The following GAST variants were observed in gnomAD, a reference collection of about 807,000 sequenced individuals.
GAST encodes preprogastrin.
In GAST, 9 loss-of-function variants were observed where a neutral mutation model predicts 12.5. The ratio of observed to expected loss-of-function variants is 0.72; its 90% CI spans 0.43 to 1.25. GAST has a LOEUF of 1.25. GAST is among the 50% of genes most tolerant of loss of function. GAST has a pLI of 0.00. For synonymous variants in GAST, 52 were observed against 51.1 expected (o/e 1.02, Z -0.08); for missense variants, 121 against 127.7 (o/e 0.95, Z 0.25).
intron 1 of GAST, among the ~76,000 whole-genome samples, chr17:41,714,331 C>G (rs1316812804): frequency 1.3e-5 from 2 of 152,100 alleles, no homozygotes; most frequent in East Asian, 3.9e-4. Flanking sequence ...TGCCACCATG[C>G]CTGGCTAATT....
chr17:41,713,061 G>A (rs982519382), intron 1 of GAST, among the ~76,000 whole-genome samples: 1 of 151,660 alleles, frequency 6.6e-6, no homozygotes, highest in Non-Finnish European at 1.5e-5. Flanking sequence ...GATTACAGGC[G>A]CCTGCCACAA....
Position 41,715,761 on chromosome 17 carries a change from C to G in GAST, c.212-17C>G. Reference sequence around the variant, plus strand: ...GTAGGCATCCTTCCCCCATTCTCGCCTCTCTCACCTCCTCAGACCCGTCCA... The same window carrying G: ...GTAGGCATCCTTCCCCCATTCTCGCGTCTCTCACCTCCTCAGACCCGTCCA... On this transcript the variant is annotated splice_polypyrimidine_tract_variant and intron_variant, in intron 2 of 2. Transcript: ENST00000329402. 1 of 1,599,418 alleles carries G rather than the reference C, an allele frequency of 6.3e-7. No individual in the cohort carries two copies. The highest frequency in any genetic ancestry group is 8.5e-7 in the Non-Finnish European group (1 of 1,174,382).
intron 1 of GAST, among the ~76,000 whole-genome samples, chr17:41,713,192 C>T (rs879899902): frequency 3.9e-5 from 6 of 152,114 alleles, no homozygotes; most frequent in Admixed American, 1.3e-4. Context: ...GCTGGGATTA[C>T]AGGCGTGAGC....
rs782422797 is a variant in GAST at position 41,715,559 on chromosome 17, C to G, written c.123C>G (p.Asp41Glu). The G allele has an allele frequency of 6.2e-7, 1 of 1,613,542 alleles. No homozygotes were observed. Among genetic ancestry groups the G allele is most frequent in the Non-Finnish European group, 8.5e-7 (1 of 1,180,034 alleles). The change falls in exon 2 of 3, where the codon GAC becomes GAG. Residue 41 changes from aspartate (D) to glutamate (E), a missense_variant. Asp to Glu is a conservative substitution (Grantham distance 45, BLOSUM62 2). Transcript: ENST00000329402. ...DAPLGTGANR[D>E]LELPWLEQQG... is the part of the protein sequence containing the mutation. ...CCTTAGGTACAGGGGCCAACAGGGA[C>G]CTGGAGCTACCCTGGCTGGAGCAGC...
At chr17:41,715,022 G>A (rs189092635) in intron 1 of GAST, among the ~76,000 whole-genome samples, 73 of 152,212 alleles carry the variant, frequency 4.8e-4, no homozygotes, top group African/African-American at 1.6e-3. Context: ...AGACTCACCC[G>A]GGTGCGGTGG....
At position 41,715,966 on chromosome 17, in the gene GAST, T is replaced by A; in HGVS notation, c.*94T>A. 1.1e-6 allele frequency: 1 copy of A among 918,642 alleles called. No homozygotes were observed. 56.9% of individuals were successfully genotyped at this position (918,642 alleles called of 1,614,324 possible). A position where few individuals can be genotyped will look rare whatever the true frequency, so the allele number is the denominator to read the frequency against. ...TGATCAAAAATAAACTAGTTTCCAG[T>A]GGATCAATGGACTGTGTCAGTGTTG... On this transcript the variant is annotated 3_prime_UTR_variant, in exon 3 of 3. Coordinates refer to ENST00000329402, the MANE Select transcript of GAST (RefSeq NM_000805.5).
chr17:41,714,251 C>A (rs1910918683), intron 1 of GAST, among the ~76,000 whole-genome samples: 1 of 152,176 alleles, frequency 6.6e-6, no homozygotes, highest in Admixed American at 6.5e-5. Flanking sequence ...CGGCTCACTG[C>A]AACCTCCACC....
In GAST at chr17:41,715,915, C is replaced by CA; in HGVS notation, c.*44dup. The CA allele has an allele frequency of 7.0e-7, 1 of 1,431,020 alleles. No homozygotes were observed. The allele number at this position is 1,431,020 out of a possible 1,614,324, so 88.6% of individuals were successfully genotyped here. A position where few individuals can be genotyped will look rare whatever the true frequency, so the allele number is the denominator to read the frequency against. On this transcript the variant is annotated 3_prime_UTR_variant, in exon 3 of 3. Coordinates refer to ENST00000329402, the MANE Select transcript of GAST (RefSeq NM_000805.5). ...TTCAGAGCCTAGCCACCTCCCACCC[C>CA]ACTCCAGCCCTGTCCCCTGAAAAAC...
chr17:41,715,473 C>T lies in GAST; in HGVS notation c.37C>T (p.Leu13=), dbSNP rs782167531. 1 of 1,613,970 alleles carries T rather than the reference C, an allele frequency of 6.2e-7. No homozygotes were observed. ...RLCVYVLIFA[L]ALAAFSEASW... is the part of the protein sequence containing the mutation. ...GTGTGTGTATGTGCTGATCTTTGCA[C>T]TGGCTCTGGCCGCCTTCTCTGAAGC... The change falls in exon 2 of 3, where the codon CTG becomes TTG. Residue 13 remains leucine, a synonymous_variant. Transcript: ENST00000329402.
chr17:41,715,910 C>T lies in GAST; in HGVS notation c.*38C>T. On this transcript the variant is annotated 3_prime_UTR_variant, in exon 3 of 3. Transcript: ENST00000329402. ...CAAGCTTCAGAGCCTAGCCACCTCC[C>T]ACCCCACTCCAGCCCTGTCCCCTGA... The T allele has an allele frequency of 6.8e-7, 1 of 1,468,994 alleles. No individual in the cohort carries two copies. The allele number at this position is 1,468,994 out of a possible 1,614,324, so 91.0% of individuals were successfully genotyped here. A position where few individuals can be genotyped will look rare whatever the true frequency, so the allele number is the denominator to read the frequency against.
Position 41,715,520 on chromosome 17 carries a change from G to A in GAST, c.84G>A (p.Gln28=), listed in dbSNP as rs782672889. The stretch of plus-strand genomic sequence containing the variant: ...AAGCTTCTTGGAAGCCCCGCTCCCA[G>A]CAGCCAGATGCACCCTTAGGTACAG... ...FSEASWKPRS[Q]QPDAPLGTGA... is the part of the protein sequence containing the mutation. Residue 28 remains glutamine (Q), a synonymous_variant, in exon 2 of 3, where the codon CAG becomes CAA. Transcript: ENST00000329402. The A allele has an allele frequency of 3.1e-6, 5 of 1,613,614 alleles. No homozygotes were observed. The South Asian group carries it at 5.5e-5, about 18-fold the overall frequency.
chr17:41,715,645 C>T lies in GAST; in HGVS notation c.209C>T (p.Ala70Val), dbSNP rs782594228. The change falls in exon 2 of 3, where the codon GCA becomes GTA. Residue 70 changes from alanine to valine, a missense_variant and splice_region_variant. Physicochemically the swap from Ala to Val is moderately conservative, Grantham distance 64. Coordinates refer to ENST00000329402, the MANE Select transcript of GAST (RefSeq NM_000805.5). ...LGPQGPPHLV[A>V]DPSKKQGPWL... is the part of the protein sequence containing the mutation. ...CCCCAGGGTCCCCCACACCTCGTGG[C>T]AGGTAGGAGCTGCTGACTGCCCTGC... 1.5e-5 allele frequency: 25 copies of T among 1,613,188 alleles called. 1 individual carries two copies. In the South Asian group the frequency reaches 2.7e-4, roughly 18 times the overall value.
At chr17:41,714,760 G>A (rs1217056221) in intron 1 of GAST, among the ~76,000 whole-genome samples, 2 of 151,698 alleles carry the variant, frequency 1.3e-5, no homozygotes, top group East Asian at 4.0e-4. Flanking sequence ...GGGCGACAGA[G>A]TGAGACCCTG....
chr17:41,714,670 G>A (rs1910929163), intron 1 of GAST, among the ~76,000 whole-genome samples: 1 of 152,256 alleles, frequency 6.6e-6, no homozygotes, highest in Non-Finnish European at 1.5e-5. Flanking sequence ...AGCTCTTCTG[G>A]AGGCTGAGGT....
intron 2 of GAST, 46 bp from the exon 3 acceptor site, chr17:41,715,732 G>A: frequency 1.3e-6 from 2 of 1,596,274 alleles, no homozygotes; most frequent in Non-Finnish European, 8.5e-7. Context: ...TCAGTTCCTG[G>A]AAGGTAGGCA....
chr17:41,714,298 A>T (rs1167426867), intron 1 of GAST, among the ~76,000 whole-genome samples: 3 of 152,010 alleles, frequency 2.0e-5, no homozygotes, highest in Non-Finnish European at 4.4e-5. Context: ...TCGGCCTCCC[A>T]AGTAGCTGGG....
chr17:41,714,183 G>GT (rs1340229836), intron 1 of GAST, among the ~76,000 whole-genome samples: 7 of 151,896 alleles, frequency 4.6e-5, no homozygotes, highest in African/African-American at 1.7e-4. Context: ...TTTTGTTTTT[G>GT]TTTTTTTGAG....
At chr17:41,714,598 CCT>C (rs1555585584) in intron 1 of GAST, among the ~76,000 whole-genome samples, 1 of 151,460 alleles carries the variant, frequency 6.6e-6, no homozygotes, top group East Asian at 2.0e-4. Context: ...ATGGTGAAAC[CCT>C]GTTTCTACAA....
At position 41,715,622 on chromosome 17, in the gene GAST, C is replaced by A. The variant is rs782468119; in HGVS notation, c.186C>A (p.Pro62=). 1.8e-5 allele frequency: 29 copies of A among 1,613,560 alleles called. No homozygotes were observed. In the South Asian group the frequency reaches 3.2e-4, roughly 18 times the overall value. The change falls in exon 2 of 3, where the codon CCC becomes CCA. Residue 62 remains proline, a synonymous_variant. Coordinates refer to ENST00000329402, the MANE Select transcript of GAST (RefSeq NM_000805.5). ...CTCATCATCGAAGGCAGCTGGGACCCCAGGGTCCCCCACACCTCGTGGCAG... is the reference window on the plus strand; with the variant it reads ...CTCATCATCGAAGGCAGCTGGGACCACAGGGTCCCCCACACCTCGTGGCAG... The part of the protein sequence containing the change: ...PASHHRRQLG[P]QGPPHLVADP...
Sources: gnomAD v4.1 joint callset for allele counts (sites outside exome capture counted in the v4.1 genomes callset) on GRCh38, gnomAD v4.1.1 for gene constraint, MANE v1.5 for transcripts, NCBI Gene and HGNC (gene_info 2026-07-23, HGNC 2026-07-21) for gene names.